Variants in MGST1 observed in about 807,000 individuals in gnomAD.
MGST1 encodes the protein glutathione S-transferase 12.
In MGST1, 5 loss-of-function variants were observed where a neutral mutation model predicts 8.9. The ratio of observed to expected loss-of-function variants is 0.56; its 90% confidence interval spans 0.29 to 1.19. The LOEUF is 1.19. Among genes scored for constraint, MGST1 ranks in the 50% most tolerant of loss-of-function variants. The pLI is 0.08. For missense variants in MGST1, 182 were observed against 187.4 expected (o/e 0.97, Z 0.17); for synonymous variants, 54 against 67.8 (o/e 0.80, Z 1.00).
chr12:16,587,614 T>C lies in MGST1; in HGVS notation n.483-1914T>C, dbSNP rs1282128069. Among the ~76,000 whole-genome samples, 1 of 152,106 alleles carries C rather than the reference T, an allele frequency of 6.6e-6. No individual in the cohort carries two copies. Among genetic ancestry groups the C allele is most frequent in the Non-Finnish European group, 1.5e-5 (1 of 68,004 alleles). On this transcript the variant is annotated intron_variant and non_coding_transcript_variant, in intron 4 of 4. Transcript: ENST00000538857. This position sits in a 1 kb window ranked among gnomAD's most constrained non-coding sequence, Gnocchi z 4.3. ...CTTAAATTGTATTTCTGTCAGTGTA[T>C]CATTTTTTTAAGCAATGGACCCTAT... is the stretch of plus-strand genomic sequence containing the variant.
At chr12:16,432,364 G>T (rs575272063) in intron 1 of MGST1, among the ~76,000 whole-genome samples, 21 of 152,142 alleles carry the variant, frequency 1.4e-4, no homozygotes, top group African/African-American at 4.6e-4. Context: ...TAGCTCCTAG[G>T]TTTAAAAATC....
Position 16,586,653 on chromosome 12 carries a change from T to A in MGST1, n.483-2875T>A, listed in dbSNP as rs11057004. Reference sequence around the variant, plus strand: ...CAAAGCCTGTCCTAGGATGTGGCAATAAGGCTATACCGTCGGGGTAGAGAT... The same window carrying A: ...CAAAGCCTGTCCTAGGATGTGGCAAAAAGGCTATACCGTCGGGGTAGAGAT... On this transcript the variant is annotated intron_variant and non_coding_transcript_variant, in intron 4 of 4. Transcript: ENST00000538857. The surrounding 1 kb of genome is among the most constrained non-coding windows in gnomAD (Gnocchi z 4.3). Among the ~76,000 whole-genome samples, 31,750 of 152,142 alleles carry A rather than the reference T, an allele frequency of 0.21. 3,716 individuals are homozygous for A. The highest frequency in any genetic ancestry group is 0.27 in the Middle Eastern group (78 of 294).
intron 3 of MGST1, chr12:16,360,198 A>G (rs181536577): frequency 2.6e-4 from 70 of 271,398 alleles, no homozygotes; most frequent in Non-Finnish European, 3.7e-4. Context: ...AAAGTGCCTA[A>G]TAACACACTT....
chr12:16,535,650 A>T (rs1421081891), intron 4 of MGST1, among the ~76,000 whole-genome samples: 1 of 152,174 alleles, frequency 6.6e-6, no homozygotes, highest in Non-Finnish European at 1.5e-5. Flanking sequence ...AAAAAGTATG[A>T]TATTGATATA....
At chr12:16,531,881 A>G (rs1316714924) in intron 4 of MGST1, among the ~76,000 whole-genome samples, 1 of 152,146 alleles carries the variant, frequency 6.6e-6, no homozygotes, top group African/African-American at 2.4e-5. Context: ...TAACAGGTGC[A>G]GGGGGGACCA....
chr12:16,388,597 A>G (rs1940524803), intron 1 of MGST1, among the ~76,000 whole-genome samples: 1 of 152,162 alleles, frequency 6.6e-6, no homozygotes, highest in Non-Finnish European at 1.5e-5. Flanking sequence ...GTTTATTAAA[A>G]CCAGTTAATT....
At chr12:16,442,934 G>A (rs1362711289), downstream of MGST1, among the ~76,000 whole-genome samples, 2 of 151,612 alleles carry the variant, frequency 1.3e-5, no homozygotes, top group African/African-American at 4.8e-5. This position sits in a 1 kb window ranked among gnomAD's most constrained non-coding sequence, Gnocchi z 4.5. Context: ...TTTTTTACCT[G>A]CTTATACACT....
At chr12:16,526,882 A>G (rs1030618187) in intron 4 of MGST1, among the ~76,000 whole-genome samples, 3 of 151,976 alleles carry the variant, frequency 2.0e-5, no homozygotes, top group Non-Finnish European at 4.4e-5. Flanking sequence ...GTGTATCATT[A>G]TAAAATCATG....
chr12:16,568,599 GAAA>G (rs1439910952), intron 4 of MGST1, among the ~76,000 whole-genome samples: 2 of 152,126 alleles, frequency 1.3e-5, no homozygotes, highest in Non-Finnish European at 2.9e-5. Flanking sequence ...GCACAAAAAA[GAAA>G]AATATTTCAT....
At chr12:16,366,985 T>G (rs758947215), downstream of MGST1, among the ~76,000 whole-genome samples, 17 of 152,322 alleles carry the variant, frequency 1.1e-4, no homozygotes, top group Middle Eastern at 3.4e-3. The surrounding 1 kb of genome is among the most constrained non-coding windows in gnomAD (Gnocchi z 4.0). Flanking sequence ...TTTATATAGA[T>G]ATTGAATCTG....
chr12:16,591,546 T>TG (rs55950422), downstream of MGST1, among the ~76,000 whole-genome samples: 150,052 of 152,162 alleles, frequency 0.99, 74,031 homozygotes, highest in East Asian at 1. The surrounding 1 kb of genome is among the most constrained non-coding windows in gnomAD (Gnocchi z 4.1). Flanking sequence ...TATTTAGTGC[T>TG]TATGTCAAGG....
chr12:16,358,815 G>A (rs1327443924), intron 3 of MGST1, among the ~76,000 whole-genome samples: 7 of 72,642 alleles, frequency 9.6e-5, no homozygotes, highest in African/African-American at 3.9e-4. Context: ...TTTTACAGCT[G>A]TGTAGTATTC....
chr12:16,367,601 G>A (rs1940214716), downstream of MGST1: 1 of 152,204 alleles, frequency 6.6e-6, no homozygotes. Context: ...GCTGTATGTT[G>A]GCTTGTGTGG....
At chr12:16,422,720 A>G (rs1324533125) in intron 1 of MGST1, among the ~76,000 whole-genome samples, 1 of 152,194 alleles carries the variant, frequency 6.6e-6, no homozygotes, top group Non-Finnish European at 1.5e-5. Flanking sequence ...AAGATTTCCT[A>G]CTGGATACAA....
chr12:16,424,865 T>C (rs1246242275), intron 1 of MGST1, among the ~76,000 whole-genome samples: 2 of 152,176 alleles, frequency 1.3e-5, no homozygotes, highest in South Asian at 4.1e-4. Context: ...TTCATACAGA[T>C]CAAGTCTGTA....
chr12:16,361,447 A>G lies in MGST1; in HGVS notation c.222-2348A>G, dbSNP rs1023636539. On this transcript the variant is annotated intron_variant, in intron 3 of 3. Transcript: ENST00000396210. This position sits in a 1 kb window ranked among gnomAD's most constrained non-coding sequence, Gnocchi z 4.2. Reference sequence around the variant, plus strand: ...TCCAAAGGAGAAAGAAGAATGGGAAAATGTAATCATGGGGAAGAAGGGTAA... The same window carrying G: ...TCCAAAGGAGAAAGAAGAATGGGAAGATGTAATCATGGGGAAGAAGGGTAA... Among the ~76,000 whole-genome samples, 3 of 152,170 alleles carry G rather than the reference A, an allele frequency of 2.0e-5. No individual in the cohort carries two copies. The highest frequency in any genetic ancestry group is 6.5e-5 in the Admixed American group (1 of 15,278).
At chr12:16,381,473 T>C (rs991010509), downstream of MGST1, among the ~76,000 whole-genome samples, 5 of 152,246 alleles carry the variant, frequency 3.3e-5, no homozygotes, top group African/African-American at 1.2e-4. Flanking sequence ...TGGTCCCCAC[T>C]CTCTTCTGGC....
chr12:16,528,799 A>G (rs1257812346), intron 4 of MGST1, among the ~76,000 whole-genome samples: 1 of 152,028 alleles, frequency 6.6e-6, no homozygotes, highest in Non-Finnish European at 1.5e-5. Flanking sequence ...ATATATAAGT[A>G]TGAAGCACCC....
At chr12:16,399,991 C>T in intron 1 of MGST1, 1 of 1,454,536 alleles carries the variant, frequency 6.9e-7, no homozygotes, top group Non-Finnish European at 9.7e-7. Context: ...GAGGCAGGTA[C>T]TCCTGTAGGG....
Sources: allele counts gnomAD v4.1 joint callset (sites outside exome capture counted in the v4.1 genomes callset), GRCh38; gene constraint gnomAD v4.1.1; non-coding constraint Gnocchi (gnomAD v3.1); transcripts MANE v1.5; gene names NCBI Gene and HGNC (gene_info 2026-07-23, HGNC 2026-07-21).